CNTN6: variants seen among roughly 807,000 people sequenced by gnomAD.
CNTN6 encodes contactin 6.
In CNTN6, 137 loss-of-function variants were observed where a neutral mutation model predicts 122.8. The ratio of observed to expected loss-of-function variants is 1.12; its 90% CI spans 0.97 to 1.29. The LOEUF is 1.29. Ranked by LOEUF, CNTN6 falls within the 50% of genes most tolerant of loss-of-function variation. The pLI, the probability that CNTN6 is intolerant of heterozygous loss-of-function variation, is 0.00. For synonymous variants in CNTN6, 570 were observed against 426.0 expected (o/e 1.34, Z -4.16); for missense variants, 1,634 against 1,223.4 (o/e 1.34, Z -5.01).
At chr3:1,281,175 C>G (rs9871786) in intron 5 of CNTN6, among the ~76,000 whole-genome samples, 3,949 of 152,196 alleles carry the variant, frequency 0.026, 185 homozygotes, top group African/African-American at 0.09. Context: ...TACAAGGGCA[C>G]GGGTCGTTGA....
intron 2 of CNTN6, among the ~76,000 whole-genome samples, chr3:1,210,622 T>C (rs1172934086): frequency 6.6e-6 from 1 of 152,144 alleles, no homozygotes; most frequent in Non-Finnish European, 1.5e-5. Context: ...CAAGTGGATG[T>C]ATAATTTGTG....
intron 10 of CNTN6, 101 bp from the exon 11 acceptor site, chr3:1,329,684 A>G (rs1277423653): frequency 3.2e-6 from 3 of 935,830 alleles, no homozygotes; most frequent in African/African-American, 3.4e-5. Context: ...AAGAGGATAC[A>G]GCTATAAATA....
intron 19 of CNTN6, among the ~76,000 whole-genome samples, chr3:1,384,778 T>C (rs866499152): frequency 0.14 from 17,115 of 124,364 alleles, 1,269 homozygotes; most frequent in African/African-American, 0.23. Context: ...TACACATATA[T>C]ATATATATAT....
At chr3:1,214,571 A>G (rs1412870762) in intron 2 of CNTN6, among the ~76,000 whole-genome samples, 3 of 151,858 alleles carry the variant, frequency 2.0e-5, no homozygotes, top group Non-Finnish European at 4.4e-5. Context: ...CCACCTCCCA[A>G]AGTGCTGGGA....
intron 1 of CNTN6, among the ~76,000 whole-genome samples, chr3:1,110,536 A>C (rs1437445617): frequency 6.6e-6 from 1 of 152,140 alleles, no homozygotes; most frequent in Non-Finnish European, 1.5e-5. Flanking sequence ...AGTATCTTTC[A>C]AAGCTGGCAA....
intron 17 of CNTN6, 105 bp downstream of exon 17, chr3:1,377,180 A>G (rs1709993920): frequency 1.4e-6 from 1 of 698,728 alleles, no homozygotes; most frequent in African/African-American, 1.8e-5. Context: ...AGAGCGTAAA[A>G]AAATATGGTA....
chr3:1,117,195 A>G (rs917559829), intron 1 of CNTN6, among the ~76,000 whole-genome samples: 1 of 152,182 alleles, frequency 6.6e-6, no homozygotes, highest in Admixed American at 6.5e-5. Context: ...ACACGTGTGC[A>G]TTACTTTTAT....
At chr3:1,231,491 T>A (rs1226938786) in intron 4 of CNTN6, among the ~76,000 whole-genome samples, 1 of 152,226 alleles carries the variant, frequency 6.6e-6, no homozygotes, top group Non-Finnish European at 1.5e-5. Context: ...TATCCTGGTA[T>A]TCAGTAATCC....
intron 5 of CNTN6, among the ~76,000 whole-genome samples, chr3:1,281,248 C>A (rs377515888): frequency 6.6e-6 from 1 of 152,256 alleles, no homozygotes; most frequent in South Asian, 2.1e-4. Context: ...TATTTCCAAT[C>A]TCCCTAAAGG....
chr3:1,266,287 G>A (rs1426474828), intron 4 of CNTN6, among the ~76,000 whole-genome samples: 1 of 152,080 alleles, frequency 6.6e-6, no homozygotes, highest in East Asian at 1.9e-4. Flanking sequence ...AAGCTACAAA[G>A]AAAATGCCGA....
intron 1 of CNTN6, among the ~76,000 whole-genome samples, chr3:1,110,950 G>C (rs920118680): frequency 6.6e-6 from 1 of 152,158 alleles, no homozygotes; most frequent in Non-Finnish European, 1.5e-5. Flanking sequence ...TTGAATACTT[G>C]TCAGATGAAC....
Position 1,402,851 on chromosome 3 carries a change from C to A in CNTN6, c.2986+365C>A, listed in dbSNP as rs1342788772. 7 of 200,184 alleles carry A rather than the reference C, an allele frequency of 3.5e-5. 1 individual carries two copies. The highest frequency in any genetic ancestry group is 3.1e-5 in the Non-Finnish European group (3 of 98,314). The allele number at this position is 200,184 out of a possible 1,614,324, so 12.4% of individuals were successfully genotyped here. On this transcript the variant is annotated intron_variant, in intron 22 of 22. Transcript: ENST00000446702. ...TATGAAGCACAGGTAAATATACACCCTTTCCCATGTTCATGGCAGACATCA... is the reference window on the plus strand; with the variant it reads ...TATGAAGCACAGGTAAATATACACCATTTCCCATGTTCATGGCAGACATCA...
At chr3:1,256,620 A>G (rs1203423214) in intron 4 of CNTN6, among the ~76,000 whole-genome samples, 1 of 152,128 alleles carries the variant, frequency 6.6e-6, no homozygotes, top group East Asian at 1.9e-4. Context: ...AAGCCTTGGG[A>G]GTAGTTGAAG....
intron 17 of CNTN6, among the ~76,000 whole-genome samples, chr3:1,381,311 A>C (rs926065306): frequency 6.6e-6 from 1 of 150,474 alleles, no homozygotes; most frequent in African/African-American, 2.4e-5. Context: ...AGAAGTGTTA[A>C]TATGAGGAAA....
At position 1,385,596 on chromosome 3, in the gene CNTN6, G is replaced by A. The variant is rs199682581; in HGVS notation, c.2518-15G>A. The A allele has an allele frequency of 1.9e-4, 295 of 1,574,210 alleles. No individual in the cohort carries two copies. The highest frequency in any genetic ancestry group is 2.4e-4 in the Non-Finnish European group (279 of 1,163,166). On this transcript the variant is annotated splice_polypyrimidine_tract_variant and intron_variant, in intron 19 of 22. Transcript: ENST00000446702. ...GGGGAACAATAAATTGCTTGTTTTG[G>A]TTTTTAATTATCAGGTCTTATACTG...
intron 20 of CNTN6, among the ~76,000 whole-genome samples, chr3:1,386,108 G>T (rs1210422100): frequency 6.6e-6 from 1 of 152,104 alleles, no homozygotes; most frequent in African/African-American, 2.4e-5. Context: ...CCTATCCTTG[G>T]AACGTTAGGT....
intron 7 of CNTN6, among the ~76,000 whole-genome samples, chr3:1,320,149 T>A (rs1700649495): frequency 6.6e-6 from 1 of 151,728 alleles, no homozygotes; most frequent in Non-Finnish European, 1.5e-5. Flanking sequence ...GTGGCAAGGC[T>A]TTTTAAAAGG....
At chr3:1,211,019 C>G (rs953578393) in intron 2 of CNTN6, among the ~76,000 whole-genome samples, 1 of 152,192 alleles carries the variant, frequency 6.6e-6, no homozygotes, top group Non-Finnish European at 1.5e-5. Flanking sequence ...TCCAGGTTCT[C>G]CCTTTCATCA....
At chr3:1,301,964 G>C (rs551897) in intron 7 of CNTN6, among the ~76,000 whole-genome samples, 1 of 152,128 alleles carries the variant, frequency 6.6e-6, no homozygotes, top group East Asian at 1.9e-4. Context: ...AAATGCCTTT[G>C]AGTCCATTAT....
Sources: allele counts gnomAD v4.1 joint callset (sites outside exome capture counted in the v4.1 genomes callset), GRCh38; gene constraint gnomAD v4.1.1; transcripts MANE v1.5; gene names NCBI Gene and HGNC (gene_info 2026-07-23, HGNC 2026-07-21).